Variants in AKAP19 observed in about 807,000 individuals in gnomAD.
AKAP19 encodes the protein small A-kinase anchoring protein.
At chr2:190,124,902 TAA>T in the AKAP19 span, among the ~76,000 whole-genome samples, 1 of 152,186 alleles carries the variant, frequency 6.6e-6, no homozygotes, top group Non-Finnish European at 1.5e-5. Flanking sequence ...ACTTTTTTGT[TAA>T]AATCGAAGAC....
At chr2:190,069,170 G>GTGTGTGTGTGTC in the AKAP19 span, among the ~76,000 whole-genome samples, 123 of 146,448 alleles carry the variant, frequency 8.4e-4, 1 homozygote, top group East Asian at 0.012. Flanking sequence ...GTGTGTGTGT[G>GTGTGTGTGTGTC]TGTGTGAGAG....
chr2:190,159,730 G>T, the AKAP19 span, among the ~76,000 whole-genome samples: 1 of 152,170 alleles, frequency 6.6e-6, no homozygotes, highest in Non-Finnish European at 1.5e-5. Context: ...AAGAAAAAAG[G>T]CTGAATTCAT....
At chr2:189,968,284 C>A in the AKAP19 span, among the ~76,000 whole-genome samples, 1 of 152,264 alleles carries the variant, frequency 6.6e-6, no homozygotes, top group Admixed American at 6.5e-5. Flanking sequence ...GTTGCCCAGG[C>A]TGGAGTGCAG....
chr2:190,173,119 A>AAAAAT, the AKAP19 span, among the ~76,000 whole-genome samples: 3 of 147,242 alleles, frequency 2.0e-5, no homozygotes, highest in Admixed American at 6.7e-5. Flanking sequence ...CATCTCAAAA[A>AAAAAT]AAATAAAATA....
chr2:189,970,255 A>G, the AKAP19 span, among the ~76,000 whole-genome samples: 4 of 152,304 alleles, frequency 2.6e-5, no homozygotes, highest in South Asian at 8.3e-4. Flanking sequence ...AACACAATGA[A>G]TACCTATATA....
At chr2:189,997,473 A>T in the AKAP19 span, among the ~76,000 whole-genome samples, 1 of 151,968 alleles carries the variant, frequency 6.6e-6, no homozygotes, top group Non-Finnish European at 1.5e-5. Flanking sequence ...ATTGTGAGGG[A>T]TGGGGTGTGG....
At chr2:189,893,477 C>G in the AKAP19 span, among the ~76,000 whole-genome samples, 1 of 152,196 alleles carries the variant, frequency 6.6e-6, no homozygotes, top group Non-Finnish European at 1.5e-5. Context: ...GAGAGGGAGT[C>G]CCCTGACCCC....
the AKAP19 span, among the ~76,000 whole-genome samples, chr2:190,137,595 G>A: frequency 1.1e-4 from 17 of 152,200 alleles, no homozygotes; most frequent in South Asian, 2.1e-4. Flanking sequence ...GAGACTATTC[G>A]CCATCATAAA....
the AKAP19 span, among the ~76,000 whole-genome samples, chr2:190,149,613 A>G: frequency 1.3e-5 from 2 of 152,024 alleles, no homozygotes; most frequent in Non-Finnish European, 2.9e-5. Context: ...TTTAATTTCC[A>G]TATATTTGCA....
At chr2:190,040,339 A>G in the AKAP19 span, among the ~76,000 whole-genome samples, 1 of 152,130 alleles carries the variant, frequency 6.6e-6, no homozygotes, top group Admixed American at 6.5e-5. Context: ...GTATCTGTTC[A>G]TGCTCTTTGC....
the AKAP19 span, among the ~76,000 whole-genome samples, chr2:190,172,911 G>A: frequency 1.4e-4 from 21 of 152,196 alleles, no homozygotes; most frequent in South Asian, 3.9e-3. Flanking sequence ...TCAGGAGTTG[G>A]AAACCAGCCT....
At chr2:189,886,406 A>C in the AKAP19 span, among the ~76,000 whole-genome samples, 1 of 152,184 alleles carries the variant, frequency 6.6e-6, no homozygotes, top group African/African-American at 2.4e-5. Flanking sequence ...TTTCATAAGG[A>C]ATGATTTAGT....
chr2:190,163,527 T>C, the AKAP19 span, among the ~76,000 whole-genome samples: 1 of 152,114 alleles, frequency 6.6e-6, no homozygotes, highest in African/African-American at 2.4e-5. Context: ...TCATAGTACT[T>C]CCTAAAATAT....
chr2:189,885,718 G>A, the AKAP19 span, among the ~76,000 whole-genome samples: 19 of 152,138 alleles, frequency 1.2e-4, no homozygotes, highest in Admixed American at 3.3e-4. Context: ...TTCATCTGAC[G>A]TTTTCTACAA....
the AKAP19 span, among the ~76,000 whole-genome samples, chr2:190,136,498 G>A: frequency 1.3e-5 from 2 of 152,158 alleles, no homozygotes; most frequent in African/African-American, 4.8e-5. Context: ...CATGCACGCA[G>A]ATGATCAAAG....
chr2:189,994,812 T>C, the AKAP19 span, among the ~76,000 whole-genome samples: 1 of 152,182 alleles, frequency 6.6e-6, no homozygotes, highest in African/African-American at 2.4e-5. Flanking sequence ...TTGGCCAGGC[T>C]GGTCTCAAAC....
the AKAP19 span, among the ~76,000 whole-genome samples, chr2:190,003,197 A>G: frequency 3.3e-5 from 5 of 152,236 alleles, no homozygotes; most frequent in South Asian, 1.0e-3. Flanking sequence ...AAAAATTGTA[A>G]GTTCATTTTG....
At chr2:190,178,828 TAAA>T in the AKAP19 span, among the ~76,000 whole-genome samples, 1 of 152,108 alleles carries the variant, frequency 6.6e-6, no homozygotes, top group Non-Finnish European at 1.5e-5. The surrounding 1 kb of genome is among the most constrained non-coding windows in gnomAD (Gnocchi z 6.3). Context: ...AACTGGGAAG[TAAA>T]AAACACAAAT....
At chr2:190,153,649 TAA>T in the AKAP19 span, among the ~76,000 whole-genome samples, 6 of 152,320 alleles carry the variant, frequency 3.9e-5, no homozygotes, top group Admixed American at 2.6e-4. Flanking sequence ...ACTATAAATA[TAA>T]AAATAATTTT....
Sources: allele counts gnomAD v4.1 joint callset (sites outside exome capture counted in the v4.1 genomes callset), GRCh38; gene constraint gnomAD v4.1.1; non-coding constraint Gnocchi (gnomAD v3.1); transcripts MANE v1.5; gene names NCBI Gene and HGNC (gene_info 2026-07-23, HGNC 2026-07-21).